The following SPG7 variants were observed in gnomAD, a reference collection of about 807,000 sequenced individuals.
SPG7 encodes the protein SPG7 matrix AAA peptidase subunit, paraplegin, also known as mitochondrial inner membrane m-AAA protease component paraplegin.
In SPG7, 103 loss-of-function variants were observed where a neutral mutation model predicts 81.9. That is an observed-to-expected ratio of 1.26 (90% confidence interval 1.07 to 1.48). The LOEUF is 1.48. Ranked by LOEUF, SPG7 falls within the 40% of genes most tolerant of loss-of-function variation. The pLI is 0.00. For synonymous variants in SPG7, 534 were observed against 444.2 expected, an observed-to-expected ratio of 1.20 and a Z score of -2.54; for missense variants, 1,241 against 1,087.3, an observed-to-expected ratio of 1.14 and a Z score of -1.99.
At chr16:89,531,603 A>G in intron 7 of SPG7, 1 of 414,388 alleles carries the variant, frequency 2.4e-6, no homozygotes, top group Admixed American at 3.6e-5. Flanking sequence ...CAAACTCCTG[A>G]TCTCAAGCTA....
intron 5 of SPG7, 53 bp from the exon 6 acceptor site, chr16:89,529,424 G>A (rs899534927): frequency 1.2e-5 from 15 of 1,207,732 alleles, no homozygotes; most frequent in East Asian, 7.3e-5. Context: ...GGAAGCCTGC[G>A]TCTGTCACGT....
intron 11 of SPG7, chr16:89,547,659 CT>C (rs1056425247): frequency 2.8e-6 from 1 of 353,316 alleles, no homozygotes; most frequent in African/African-American, 2.1e-5. Flanking sequence ...GTCGCCCAGA[CT>C]GGAGTGCAGT....
chr16:89,512,950 G>A lies in SPG7; in HGVS notation c.289G>A (p.Gly97Ser). ...NPVRLWQLLGGTFYFNTSRLK... is the reference protein window; with the variant it reads ...NPVRLWQLLGSTFYFNTSRLK... ...AATCCTTTCTCTATTTCTCATAGGT[G>A]GTACTTTCTATTTTAACACCTCAAG... is the stretch of plus-strand genomic sequence containing the variant. The change falls in exon 3 of 17, where the codon GGT (glycine) becomes AGT (serine). Residue 97 changes from glycine (G) to serine (S), a missense_variant and splice_region_variant. Transcript: ENST00000645818. 1 of 1,613,092 alleles carries A rather than the reference G, an allele frequency of 6.2e-7. No individual in the cohort carries two copies. The highest frequency in any genetic ancestry group is 1.7e-5 in the Admixed American group (1 of 59,972).
intron 10 of SPG7, chr16:89,545,259 C>G (rs923149146): frequency 1.5e-5 from 4 of 267,776 alleles, no homozygotes; most frequent in Admixed American, 1.0e-4. Context: ...CTCGCCTGAT[C>G]CCTCCTCTGT....
intron 9 of SPG7, chr16:89,539,279 C>G (rs1185342470): frequency 2.0e-5 from 3 of 152,160 alleles, no homozygotes; most frequent in Non-Finnish European, 4.4e-5. Flanking sequence ...CATGGTGGAT[C>G]ACCTGAGGTC....
rs369686424 is a variant in SPG7, at chr16:89,550,558, G to C, written c.1728G>C (p.Ser576=). The C allele has an allele frequency of 6.2e-7, 1 of 1,613,888 alleles. No homozygotes were observed. Among genetic ancestry groups the C allele is most frequent in the Admixed American group, 1.7e-5 (1 of 60,006 alleles). Residue 576 remains serine (S), a synonymous_variant, in exon 13 of 17, where the codon TCG becomes TCC. Coordinates refer to ENST00000645818, the MANE Select transcript of SPG7 (RefSeq NM_003119.4). ...EEQKVVAFHE[S]GHALVGWMLE... is the part of the protein sequence containing the mutation. ...AGAAAGTGGTTGCGTTTCATGAGTC[G>C]GGCCACGCCTTGGTGGGCTGGATGC...
Position 89,554,564 on chromosome 16 carries a change from G to T in SPG7, c.2181+1G>T. The T allele has an allele frequency of 4.4e-6, 7 of 1,606,398 alleles. No individual in the cohort carries two copies. Among genetic ancestry groups the T allele is most frequent in the Non-Finnish European group, 5.9e-6 (7 of 1,178,332 alleles). The stretch of plus-strand genomic sequence containing the variant: ...GGACAACCTGGACAAGTTGCAGGCG[G>T]TGAGGCCCTGGCCAGGCGTGGGGGC... On this transcript the variant is annotated splice_donor_variant, in intron 16 of 16. Coordinates refer to ENST00000645818, the MANE Select transcript of SPG7 (RefSeq NM_003119.4). LOFTEE classifies it high-confidence loss of function.
chr16:89,537,888 G>A (rs1021175314), intron 9 of SPG7: 1 of 599,186 alleles, frequency 1.7e-6, no homozygotes, highest in South Asian at 7.3e-5. Context: ...GCTCTGCCCT[G>A]GGAGCCGTGG....
In SPG7 at chr16:89,557,094, T is replaced by C. The variant is rs1012542561; in HGVS notation, c.*1T>C. On this transcript the variant is annotated 3_prime_UTR_variant, in exon 17 of 17. Transcript: ENST00000645818. Reference sequence around the variant, plus strand: ...CGAAGAGCCGACTTGGCCCAAGTAGTTGGGAGGTGTTGGCTGCACGTGCGG... The same window carrying C: ...CGAAGAGCCGACTTGGCCCAAGTAGCTGGGAGGTGTTGGCTGCACGTGCGG... 3.1e-6 allele frequency: 5 copies of C among 1,610,316 alleles called. No individual in the cohort carries two copies. The highest frequency in any genetic ancestry group is 4.2e-6 in the Non-Finnish European group (5 of 1,179,320).
intron 11 of SPG7, chr16:89,547,565 G>T: frequency 1.1e-5 from 3 of 269,142 alleles, no homozygotes; most frequent in African/African-American, 4.5e-5. Context: ...GCTCTCACCA[G>T]CACTCTTGGT....
At position 89,556,883 on chromosome 16, in the gene SPG7, C is replaced by G. The variant is rs757515964; in HGVS notation, c.2182-4C>G. The G allele has an allele frequency of 1.5e-5, 24 of 1,611,968 alleles. No individual in the cohort carries two copies. The South Asian group carries it at 2.6e-4, about 18-fold the overall frequency. ...TCACACACTGCTATGCCTGTTCTTTCTAGCTGGCAAACGCCCTTCTGGAAA... is the reference window on the plus strand; with the variant it reads ...TCACACACTGCTATGCCTGTTCTTTGTAGCTGGCAAACGCCCTTCTGGAAA... On this transcript the variant is annotated splice_region_variant and splice_polypyrimidine_tract_variant and intron_variant, in intron 16 of 16. Coordinates refer to ENST00000645818, the MANE Select transcript of SPG7 (RefSeq NM_003119.4).
intron 9 of SPG7, among the ~76,000 whole-genome samples, chr16:89,536,432 C>T (rs943214436): frequency 6.7e-6 from 1 of 148,666 alleles, no homozygotes; most frequent in Non-Finnish European, 1.5e-5. Flanking sequence ...GGGTTCTGGC[C>T]GCAGAGTCTG....
In SPG7 at chr16:89,515,590, GC is replaced by G. The variant is rs2058084722; in HGVS notation, c.376+2554del. Among the ~76,000 whole-genome samples, 3 of 148,988 alleles carry G rather than the reference GC, an allele frequency of 2.0e-5. No homozygotes were observed. In the Middle Eastern group the frequency reaches 0.011, roughly 532 times the overall value. On this transcript the variant is annotated intron_variant, in intron 3 of 16. Transcript: ENST00000645818. ...CTGACCTTTTTATAAAAAAAAATTT[GC>G]TGGGTAGGTGCGGTGGCTCACACCT...
intron 2 of SPG7, among the ~76,000 whole-genome samples, chr16:89,511,221 T>A (rs1228025820): frequency 6.6e-6 from 1 of 152,220 alleles, no homozygotes; most frequent in Non-Finnish European, 1.5e-5. Context: ...TCTAGTCAGC[T>A]GCAAGAATGT....
At chr16:89,527,626 G>T (rs976889857) in intron 5 of SPG7, among the ~76,000 whole-genome samples, 8 of 152,216 alleles carry the variant, frequency 5.3e-5, no homozygotes, top group Admixed American at 2.0e-4. Context: ...TCTCATTTCA[G>T]TGTTGAGAGG....
At chr16:89,516,977 G>T (rs144202878) in intron 3 of SPG7, 2 of 152,206 alleles carry the variant, frequency 1.3e-5, no homozygotes, top group African/African-American at 4.8e-5. Flanking sequence ...CAGTGGAAGC[G>T]GATCACCATA....
At chr16:89,548,736 G>C (rs2058597872) in intron 12 of SPG7, 4 of 354,734 alleles carry the variant, frequency 1.1e-5, no homozygotes, top group South Asian at 8.3e-5. Context: ...GACCAAACTG[G>C]GAATCGGAGC....
chr16:89,509,028 G>T lies in SPG7; in HGVS notation c.183+428G>T, dbSNP rs578211901. ...CGAGTAGGGGGCCCAGAACGTTTCTGTGTCCGCAAAATACCCTGTAGCTGC... is the reference window on the plus strand; with the variant it reads ...CGAGTAGGGGGCCCAGAACGTTTCTTTGTCCGCAAAATACCCTGTAGCTGC... On this transcript the variant is annotated intron_variant, in intron 1 of 16. Coordinates refer to ENST00000645818, the MANE Select transcript of SPG7 (RefSeq NM_003119.4). The T allele has an allele frequency of 5.9e-4, 268 of 453,918 alleles. 10 individuals carry two copies. In the Middle Eastern group the frequency reaches 0.028, roughly 47 times the overall value. 28.1% of individuals were successfully genotyped at this position (453,918 alleles called of 1,614,324 possible). A position where few individuals can be genotyped will look rare whatever the true frequency, so the allele number is the denominator to read the frequency against.
At chr16:89,544,311 AGGGCGGT>A (rs2058535970) in intron 9 of SPG7, 1 of 232,982 alleles carries the variant, frequency 4.3e-6, no homozygotes, top group East Asian at 9.7e-5. Flanking sequence ...TAATGATGAC[AGGGCGGT>A]GGGGGGTGGG....
Sources: gnomAD v4.1 joint callset for allele counts (sites outside exome capture counted in the v4.1 genomes callset) on GRCh38, gnomAD v4.1.1 for gene constraint, MANE v1.5 for transcripts, NCBI Gene and HGNC (gene_info 2026-07-23, HGNC 2026-07-21) for gene names.